C11orf54: variants seen among roughly 807,000 people sequenced by gnomAD.
The protein encoded by C11orf54 is beta-keto-L-gulonate decarboxylase.
In C11orf54, 29 loss-of-function variants were observed where a neutral mutation model predicts 35.5. The ratio of observed to expected loss-of-function variants is 0.82; its 90% CI spans 0.61 to 1.11. The LOEUF is 1.11. C11orf54 is among the 50% of genes most tolerant of loss of function. The pLI is 0.00. For missense variants in C11orf54, 373 were observed against 369.2 expected (o/e 1.01, Z -0.08); for synonymous variants, 108 against 121.1 (o/e 0.89, Z 0.71).
chr11:93,759,720 A>G lies in C11orf54; in HGVS notation c.658-22A>G, dbSNP rs114849161. 3.6e-3 allele frequency: 4,834 copies of G among 1,328,626 alleles called. 134 individuals carry two copies. The African/African-American group carries it at 0.062, about 17-fold the overall frequency. The allele number at this position is 1,328,626 out of a possible 1,614,324, so 82.3% of individuals were successfully genotyped here. A position where few individuals can be genotyped will look rare whatever the true frequency, so the allele number is the denominator to read the frequency against. ...TTAGTAATATTCAGTATGTTTACCTATGTAATTATCTTTTGTTGTAGCCTG... is the reference window on the plus strand; with the variant it reads ...TTAGTAATATTCAGTATGTTTACCTGTGTAATTATCTTTTGTTGTAGCCTG... On this transcript the variant is annotated intron_variant, in intron 7 of 8. Transcript: ENST00000354421.
rs536025555 is a variant in C11orf54, at chr11:93,741,740, A to T, written c.-98+12A>T. The T allele has an allele frequency of 4.6e-4, 146 of 320,810 alleles. No homozygotes were observed. The highest frequency in any genetic ancestry group is 3.4e-3 in the South Asian group (142 of 41,624). The allele number at this position is 320,810 out of a possible 1,614,324, so 19.9% of individuals were successfully genotyped here. On this transcript the variant is annotated intron_variant, in intron 1 of 8. Coordinates refer to ENST00000354421, the MANE Select transcript of C11orf54 (RefSeq NM_001286069.2). ...CCGTGACCGTTTAGGTGAGTGGAAT[A>T]GCCAAGAACATTTCGGCAAATAACA...
chr11:93,757,669 A>G (rs1356282187), intron 7 of C11orf54, among the ~76,000 whole-genome samples: 1 of 152,090 alleles, frequency 6.6e-6, no homozygotes, highest in African/African-American at 2.4e-5. Flanking sequence ...AGCTGGGATT[A>G]TAGGCATGCA....
intron 2 of C11orf54, among the ~76,000 whole-genome samples, chr11:93,749,250 G>A (rs546210898): frequency 6.6e-6 from 1 of 152,090 alleles, no homozygotes; most frequent in East Asian, 1.9e-4. Context: ...GGGAGGCCAA[G>A]GTGAGCAGAT....
intron 2 of C11orf54, among the ~76,000 whole-genome samples, chr11:93,748,712 A>C (rs933556485): frequency 6.6e-6 from 1 of 151,206 alleles, no homozygotes; most frequent in African/African-American, 2.4e-5. Context: ...GGTGTGTGCC[A>C]GTAATTCCCG....
intron 5 of C11orf54, 73 bp from the exon 6 acceptor site, chr11:93,755,137 T>C: frequency 6.9e-7 from 1 of 1,441,588 alleles, no homozygotes; most frequent in Admixed American, 2.0e-5. Context: ...GGATTAAATG[T>C]TTTGTAACAT....
chr11:93,755,295 G>A lies in C11orf54; in HGVS notation c.416G>A (p.Gly139Glu). The A allele has an allele frequency of 6.2e-7, 1 of 1,614,030 alleles. No homozygotes were observed. Among genetic ancestry groups the A allele is most frequent in the Non-Finnish European group, 8.5e-7 (1 of 1,179,936 alleles). The change falls in exon 6 of 9, where the codon GGG becomes GAG. Residue 139 changes from glycine to glutamate, a missense_variant. Coordinates refer to ENST00000354421, the MANE Select transcript of C11orf54 (RefSeq NM_001286069.2). ...YFAHVNPADG[G>E]CLLEKYSEKC... ...GCCCATGTGAACCCTGCAGATGGAG[G>A]GTGCCTACTGGAGAAATACAGTGAG...
At chr11:93,761,424 TA>T in intron 8 of C11orf54, 90 bp from the exon 9 acceptor site, 1 of 1,223,500 alleles carries the variant, frequency 8.2e-7, no homozygotes, top group Non-Finnish European at 1.1e-6. Flanking sequence ...ATTTAAAAAA[TA>T]AAAACTATTG....
chr11:93,750,731 A>C (rs915602587), intron 3 of C11orf54, among the ~76,000 whole-genome samples: 32 of 152,278 alleles, frequency 2.1e-4, no homozygotes, highest in Non-Finnish European at 1.0e-4. Context: ...TTTTGCTTTT[A>C]ATTGCTCAGA....
intron 7 of C11orf54, among the ~76,000 whole-genome samples, chr11:93,758,268 TGCC>T (rs1330608966): frequency 2.0e-5 from 3 of 152,182 alleles, no homozygotes; most frequent in African/African-American, 7.2e-5. Context: ...GCTCCGTTGG[TGCC>T]GCTGCAATCG....
At chr11:93,747,519 A>C (rs561060676) in intron 2 of C11orf54, 71 bp downstream of exon 2, 43 of 1,122,242 alleles carry the variant, frequency 3.8e-5, no homozygotes, top group Non-Finnish European at 5.0e-5. Context: ...AGATTCTAAG[A>C]TCTATCTATA....
intron 1 of C11orf54, among the ~76,000 whole-genome samples, chr11:93,745,437 A>C (rs1591330668): frequency 6.6e-6 from 1 of 152,326 alleles, no homozygotes; most frequent in South Asian, 2.1e-4. Flanking sequence ...GTCTGCAAAC[A>C]TATTGTTAAC....
intron 7 of C11orf54, 106 bp downstream of exon 7, chr11:93,757,571 C>T: frequency 3.2e-6 from 4 of 1,257,322 alleles, no homozygotes; most frequent in East Asian, 2.3e-5. Context: ...GCTCTGTTGC[C>T]CATGCTGGAG....
intron 7 of C11orf54, among the ~76,000 whole-genome samples, chr11:93,757,741 C>G (rs1237478638): frequency 1.3e-5 from 2 of 152,170 alleles, no homozygotes; most frequent in African/African-American, 2.4e-5. Flanking sequence ...ATTGGCCAGA[C>G]TGGTGTCGAA....
At position 93,747,379 on chromosome 11, in the gene C11orf54, TA is replaced by T; in HGVS notation, c.-12del. On this transcript the variant is annotated 5_prime_UTR_variant, in exon 2 of 9. Coordinates refer to ENST00000354421, the MANE Select transcript of C11orf54 (RefSeq NM_001286069.2). Reference sequence around the variant, plus strand: ...AGCTCTATTTGTCCAACCTCACACCTAAAGAAGAAAGAAAATGGCTTGTGCT... The same window carrying T: ...AGCTCTATTTGTCCAACCTCACACCTAAGAAGAAAGAAAATGGCTTGTGCT... The T allele has an allele frequency of 6.3e-7, 1 of 1,583,364 alleles. No homozygotes were observed. The highest frequency in any genetic ancestry group is 8.6e-7 in the Non-Finnish European group (1 of 1,167,438).
In C11orf54 at chr11:93,763,711, G is replaced by A. The variant is rs1187995185; in HGVS notation, c.*2023G>A. On this transcript the variant is annotated 3_prime_UTR_variant, in exon 9 of 9. Coordinates refer to ENST00000354421, the MANE Select transcript of C11orf54 (RefSeq NM_001286069.2). ...TTGGAGGCTACAGTGAGCTATGATT[G>A]TTTCATTGCACTGTAGCCTGGGCAA... 1.3e-5 allele frequency: 2 copies of A among 152,044 alleles called. No individual in the cohort carries two copies. The highest frequency in any genetic ancestry group is 6.6e-5 in the Admixed American group (1 of 15,226). 9.4% of individuals were successfully genotyped at this position (152,044 alleles called of 1,614,324 possible). A position where few individuals can be genotyped will look rare whatever the true frequency, so the allele number is the denominator to read the frequency against.
chr11:93,761,468 C>G, intron 8 of C11orf54, 47 bp from the exon 9 acceptor site: 1 of 1,506,358 alleles, frequency 6.6e-7, no homozygotes, highest in African/African-American at 1.4e-5. Flanking sequence ...CCCTTAAACT[C>G]TAATCAATAA....
chr11:93,747,500 C>G (rs756604054), intron 2 of C11orf54, 52 bp downstream of exon 2: 1 of 1,419,472 alleles, frequency 7.0e-7, no homozygotes, highest in Non-Finnish European at 9.7e-7. Context: ...AGAGAAAATT[C>G]TTTTAAAAAG....
intron 1 of C11orf54, among the ~76,000 whole-genome samples, chr11:93,743,420 C>T (rs147377122): frequency 5.6e-4 from 85 of 152,344 alleles, no homozygotes; most frequent in Middle Eastern, 6.8e-3. Flanking sequence ...GCTGCGGTGC[C>T]TCACTTACTT....
chr11:93,760,259 T>C (rs1363756018), intron 8 of C11orf54, among the ~76,000 whole-genome samples: 1 of 152,176 alleles, frequency 6.6e-6, no homozygotes, highest in East Asian at 1.9e-4. Flanking sequence ...GTTGTTGTTA[T>C]TTAAGAATGA....
Sources: gnomAD v4.1 joint callset for allele counts (sites outside exome capture counted in the v4.1 genomes callset) on GRCh38, gnomAD v4.1.1 for gene constraint, MANE v1.5 for transcripts, NCBI Gene and HGNC (gene_info 2026-07-23, HGNC 2026-07-21) for gene names.